GPHN: variants seen among roughly 807,000 people sequenced by gnomAD.
GPHN encodes gephyrin.
Under a neutral mutation model 95.5 loss-of-function variants are expected in GPHN, and 17 were observed. That is an observed-to-expected ratio of 0.18 (90% confidence interval 0.12 to 0.27). GPHN has a LOEUF of 0.27. GPHN is among the 10% of genes least tolerant of loss of function. The probability of loss-of-function intolerance (pLI) is 1.00; values close to 1 mark genes in which losing one functional copy is unlikely to be tolerated. For synonymous variants in GPHN, 320 were observed against 322.5 expected, an observed-to-expected ratio of 0.99 and a Z score of 0.08; for missense variants, 660 against 978.1, an observed-to-expected ratio of 0.67 and a Z score of 4.34.
At chr14:67,240,197 G>A in the GPHN span, among the ~76,000 whole-genome samples, 244 of 152,240 alleles carry the variant, frequency 1.6e-3, no homozygotes, top group African/African-American at 5.6e-3. Context: ...ACAAATCTGG[G>A]AAGGGTAGGC....
chr14:67,150,453 C>CAAAAAAAAAAAAA (rs1164806975), intron 18 of GPHN, among the ~76,000 whole-genome samples: 157 of 98,020 alleles, frequency 1.6e-3, no homozygotes, highest in East Asian at 2.4e-3. Context: ...AAAAAAAAAA[C>CAAAAAAAAAAAAA]AAAAAAAAAA....
chr14:67,656,314 G>A, the GPHN span: 1 of 1,086,782 alleles, frequency 9.2e-7, no homozygotes, highest in African/African-American at 1.6e-5. Flanking sequence ...ACTATTCCCT[G>A]AATACAGAAC....
At chr14:66,780,207 G>A (rs951181670) in intron 3 of GPHN, among the ~76,000 whole-genome samples, 30 of 152,102 alleles carry the variant, frequency 2.0e-4, no homozygotes, top group African/African-American at 7.0e-4. Context: ...TGGACTTACT[G>A]AGTTTGAGGT....
the GPHN span, chr14:67,575,932 C>G: frequency 1.2e-6 from 2 of 1,613,944 alleles, no homozygotes; most frequent in Non-Finnish European, 1.7e-6. Flanking sequence ...TTGCTTTCCT[C>G]CCACTGCACC....
At chr14:67,087,642 A>G (rs1225367257) in intron 11 of GPHN, among the ~76,000 whole-genome samples, 1 of 152,102 alleles carries the variant, frequency 6.6e-6, no homozygotes, top group African/African-American at 2.4e-5. Flanking sequence ...CAGAATAGAA[A>G]TTTGAACATC....
rs113672507 is a variant in GPHN, at chr14:66,659,564, G to T, written c.65-21543G>T. On this transcript the variant is annotated intron_variant, in intron 1 of 22. Transcript: ENST00000478722. Reference sequence around the variant, plus strand: ...TTATGTCTTTTCTTTCATTTTTTCAGGTATATCAGTTTTGCATCACATGTT... The same window carrying T: ...TTATGTCTTTTCTTTCATTTTTTCATGTATATCAGTTTTGCATCACATGTT... 9.7e-3 allele frequency among the ~76,000 whole-genome samples: 1,465 copies of T among 151,674 alleles called. 20 individuals carry two copies. Among genetic ancestry groups the T allele is most frequent in the African/African-American group, 0.033 (1,357 of 41,390 alleles).
intron 4 of GPHN, among the ~76,000 whole-genome samples, chr14:66,848,789 A>G (rs1432854212): frequency 6.6e-6 from 1 of 151,990 alleles, no homozygotes; most frequent in Non-Finnish European, 1.5e-5. Context: ...GAAAAAAAAG[A>G]ATTTGGGGAA....
At chr14:67,290,320 A>G in the GPHN span, among the ~76,000 whole-genome samples, 105 of 152,282 alleles carry the variant, frequency 6.9e-4, no homozygotes, top group Non-Finnish European at 1.1e-3. Context: ...ATGCTACTCT[A>G]ACAAAACAGT....
At chr14:67,329,456 G>T in the GPHN span, among the ~76,000 whole-genome samples, 52 of 152,094 alleles carry the variant, frequency 3.4e-4, no homozygotes, top group Non-Finnish European at 4.0e-4. Context: ...TTTCCTAATT[G>T]AATACCCTTT....
At chr14:67,656,603 G>T in the GPHN span, 1 of 1,589,448 alleles carries the variant, frequency 6.3e-7, no homozygotes, top group East Asian at 2.2e-5. Flanking sequence ...AAAGAAGTAT[G>T]GAAGAGAAAT....
At position 67,113,089 on chromosome 14, in the gene GPHN, T is replaced by C. The variant is rs766027485; in HGVS notation, c.1544T>C (p.Ile515Thr). The C allele has an allele frequency of 6.2e-6, 10 of 1,613,492 alleles. No homozygotes were observed. Among genetic ancestry groups the C allele is most frequent in the Middle Eastern group, 1.6e-4 (1 of 6,084 alleles). ...AKGTHMGPSE[I>T]GLLATVGVTE... is the part of the protein sequence containing the mutation. ...GGAACCCACATGGGCCCCTCAGAGA[T>C]TGGTCTTCTGGCAACTGTAGGTGTC... The change falls in exon 16 of 23, where the codon ATT becomes ACT. Residue 515 changes from isoleucine (I) to threonine (T), a missense_variant. Transcript: ENST00000478722.
chr14:67,527,938 G>A, the GPHN span, among the ~76,000 whole-genome samples: 6 of 152,174 alleles, frequency 3.9e-5, no homozygotes, highest in African/African-American at 1.4e-4. Context: ...GGAGCATGAA[G>A]AGGCCCTCCA....
At chr14:67,249,328 A>T in the GPHN span, among the ~76,000 whole-genome samples, 7 of 152,338 alleles carry the variant, frequency 4.6e-5, no homozygotes, top group African/African-American at 1.7e-4. Context: ...ATGTAGTAAA[A>T]GGAAGCTTGG....
intron 16 of GPHN, among the ~76,000 whole-genome samples, chr14:67,117,916 A>G (rs1245212939): frequency 6.6e-6 from 1 of 152,192 alleles, no homozygotes; most frequent in East Asian, 1.9e-4. Flanking sequence ...AACCAATAAT[A>G]TAACTGGTGG....
the GPHN span, among the ~76,000 whole-genome samples, chr14:67,230,597 A>G: frequency 6.6e-6 from 1 of 152,152 alleles, no homozygotes; most frequent in East Asian, 1.9e-4. Flanking sequence ...ATATGATCAA[A>G]TTTCAAAAAA....
the GPHN span, among the ~76,000 whole-genome samples, chr14:67,315,688 G>A: frequency 1.3e-5 from 2 of 152,220 alleles, no homozygotes; most frequent in Non-Finnish European, 2.9e-5. Flanking sequence ...CACTTTGGGA[G>A]GCCAAGCAGG....
At chr14:67,235,579 G>C in the GPHN span, among the ~76,000 whole-genome samples, 1 of 152,112 alleles carries the variant, frequency 6.6e-6, no homozygotes, top group Non-Finnish European at 1.5e-5. Context: ...ACCAGGCTTG[G>C]TGGCAGGCAC....
intron 4 of GPHN, among the ~76,000 whole-genome samples, chr14:66,850,315 A>C (rs2153515219): frequency 6.6e-6 from 1 of 152,288 alleles, no homozygotes; most frequent in African/African-American, 2.4e-5. Context: ...CAAAGGAGAC[A>C]TTATTCTAGC....
chr14:66,561,381 G>T (rs74668639), intron 1 of GPHN, among the ~76,000 whole-genome samples: 1 of 151,980 alleles, frequency 6.6e-6, no homozygotes, highest in Non-Finnish European at 1.5e-5. Flanking sequence ...GACTCTTTTT[G>T]GTTGATAAGC....
Sources: allele counts gnomAD v4.1 joint callset (sites outside exome capture counted in the v4.1 genomes callset), GRCh38; gene constraint gnomAD v4.1.1; transcripts MANE v1.5; gene names NCBI Gene and HGNC (gene_info 2026-07-23, HGNC 2026-07-21).